The following PABIR2 variants were observed in gnomAD, a reference collection of about 807,000 sequenced individuals.
PABIR2 encodes the protein family with sequence similarity 122B.
PABIR2 carries 7 observed loss-of-function variants against 22.8 expected under a neutral mutation model. The ratio of observed to expected loss-of-function variants is 0.31; its 90% CI spans 0.17 to 0.58. PABIR2 has a LOEUF of 0.58. PABIR2 is among the 20% of genes least tolerant of loss of function. The probability of loss-of-function intolerance (pLI) is 0.89; values close to 1 mark genes in which losing one functional copy is unlikely to be tolerated. For missense variants in PABIR2, 155 were observed against 205.1 expected (o/e 0.76, Z 1.49); for synonymous variants, 67 against 73.8 (o/e 0.91, Z 0.47).
intron 6 of PABIR2, 77 bp downstream of exon 6, chrX:134,788,653 G>T: frequency 1.2e-6 from 1 of 864,821 alleles, no homozygotes; most frequent in Non-Finnish European, 1.6e-6. Context: ...TACTTTAAAA[G>T]TGGGGTGATT....
intron 9 of PABIR2, among the ~76,000 whole-genome samples, chrX:134,775,119 A>G (rs1286767258): frequency 8.9e-6 from 1 of 112,413 alleles, no homozygotes; most frequent in Non-Finnish European, 1.9e-5. Flanking sequence ...AGACAACAGT[A>G]AAAAAGGATC....
rs779390806 is a variant in PABIR2 at position 134,791,120 on chromosome X, A to C, written c.178-1484T>G. On this transcript the variant is annotated intron_variant, in intron 2 of 9. Coordinates refer to ENST00000343004, the MANE Select transcript of PABIR2 (RefSeq NM_001387468.1). ...AATATACAACTTGACAATTTTAGAC[A>C]AAACTGGAAAGAAGACCAGAAAGAA... 2.7e-5 allele frequency among the ~76,000 whole-genome samples: 3 copies of C among 111,498 alleles called. No homozygotes were observed. In the East Asian group the frequency reaches 8.4e-4, roughly 31 times the overall value.
intron 2 of PABIR2, among the ~76,000 whole-genome samples, chrX:134,790,387 G>A (rs2079510741): frequency 8.9e-6 from 1 of 112,003 alleles, no homozygotes; most frequent in South Asian, 3.6e-4. Context: ...TAATATAAAC[G>A]ACTACTATTT....
At chrX:134,780,646 C>T (rs2079132579) in intron 9 of PABIR2, among the ~76,000 whole-genome samples, 1 of 112,217 alleles carries the variant, frequency 8.9e-6, no homozygotes, top group Non-Finnish European at 1.9e-5. Flanking sequence ...AAAAACAGTA[C>T]ACAATTGATT....
rs539600770 is a variant in PABIR2 at position 134,790,626 on chromosome X, G to T, written c.178-990C>A. Reference sequence around the variant, plus strand: ...ATGATCTCTGCTCACTGCAACTTCCGCCTCCCAGGTTCAAGTGATTCCCCT... The same window carrying T: ...ATGATCTCTGCTCACTGCAACTTCCTCCTCCCAGGTTCAAGTGATTCCCCT... On this transcript the variant is annotated intron_variant, in intron 2 of 9. Transcript: ENST00000343004. Among the ~76,000 whole-genome samples the T allele has an allele frequency of 2.7e-4, 30 of 112,001 alleles. No homozygotes were observed. In the South Asian group the frequency reaches 0.01, roughly 39 times the overall value.
At chrX:134,777,123 C>G (rs866869003) in intron 9 of PABIR2, among the ~76,000 whole-genome samples, 1 of 112,204 alleles carries the variant, frequency 8.9e-6, no homozygotes, top group Non-Finnish European at 1.9e-5. Flanking sequence ...GTTTTGTTAT[C>G]AAGTAGGTTG....
At chrX:134,778,044 C>A (rs2147900660) in intron 9 of PABIR2, among the ~76,000 whole-genome samples, 1 of 104,126 alleles carries the variant, frequency 9.6e-6, no homozygotes, top group East Asian at 3.2e-4. Flanking sequence ...CAGGCATGCG[C>A]ACCATGCCCA....
intron 6 of PABIR2, among the ~76,000 whole-genome samples, chrX:134,788,140 A>AATATATACGTTATATATGTGTAAT: frequency 1.0e-5 from 1 of 100,288 alleles, no homozygotes; most frequent in South Asian, 4.3e-4. Flanking sequence ...ATATATGTGT[A>AATATATACGTTATATATGTGTAAT]ATATATACGT....
In PABIR2 at chrX:134,793,903, A is replaced by C; in HGVS notation, c.99-10T>G. On this transcript the variant is annotated splice_polypyrimidine_tract_variant and intron_variant, in intron 1 of 9. Transcript: ENST00000343004. ...AACCTGTGAAAGGTCACTGAAAAAA[A>C]CAAAAACAAACAAACAAAAAAAACA... 11 of 1,194,003 alleles carry C rather than the reference A, an allele frequency of 9.2e-6. No homozygotes were observed. Among genetic ancestry groups the C allele is most frequent in the Non-Finnish European group, 1.2e-5 (11 of 889,726 alleles).
intron 2 of PABIR2, among the ~76,000 whole-genome samples, chrX:134,789,895 G>C (rs372722313): frequency 1.8e-5 from 2 of 111,468 alleles, no homozygotes; most frequent in Non-Finnish European, 1.9e-5. Context: ...GTGAAGCTAC[G>C]TAAATTTAGA....
At chrX:134,778,959 G>T (rs1304755252) in intron 9 of PABIR2, among the ~76,000 whole-genome samples, 1 of 110,606 alleles carries the variant, frequency 9.0e-6, no homozygotes, top group African/African-American at 3.3e-5. Flanking sequence ...GACTACAGGC[G>T]CCCGCCACCA....
chrX:134,789,017 A>G, intron 5 of PABIR2, 68 bp downstream of exon 5: 1 of 1,169,939 alleles, frequency 8.5e-7, no homozygotes, highest in Non-Finnish European at 1.2e-6. Context: ...CGAAAAAATT[A>G]ATGAACCTAG....
chrX:134,787,966 TG>T (rs747606746), intron 6 of PABIR2, among the ~76,000 whole-genome samples: 1 of 108,048 alleles, frequency 9.3e-6, no homozygotes, highest in East Asian at 2.9e-4. Flanking sequence ...CTTTTCAAAA[TG>T]ACAGAAACAA....
intron 2 of PABIR2, chrX:134,791,558 G>A (rs983839708): frequency 5.8e-5 from 18 of 310,871 alleles, no homozygotes; most frequent in Non-Finnish European, 1.1e-4. Context: ...AGCCCGTGAG[G>A]AATAGGGAAA....
intron 2 of PABIR2, among the ~76,000 whole-genome samples, chrX:134,790,663 C>T (rs371999830): frequency 1.6e-4 from 18 of 112,355 alleles, no homozygotes; most frequent in African/African-American, 5.5e-4. Context: ...CCTCAGCCTC[C>T]TGAGTAGCTG....
At chrX:134,780,197 T>C (rs371308487) in intron 9 of PABIR2, among the ~76,000 whole-genome samples, 12 of 113,039 alleles carry the variant, frequency 1.1e-4, no homozygotes, top group African/African-American at 2.6e-4. Flanking sequence ...TCCATTCTTA[T>C]AGCTTATAAG....
intron 9 of PABIR2, among the ~76,000 whole-genome samples, chrX:134,775,306 G>A (rs761224131): frequency 6.4e-5 from 7 of 110,204 alleles, no homozygotes; most frequent in Non-Finnish European, 1.3e-4. Context: ...CGAGGTGGGC[G>A]GATCACGAAG....
chrX:134,789,229 T>C lies in PABIR2; in HGVS notation c.272A>G (p.His91Arg). ...GCTCTTGCAAAGCACTAACCTTTCATGTGCAGTTTCTCTGTTCACCATATC... is the reference window on the plus strand; with the variant it reads ...GCTCTTGCAAAGCACTAACCTTTCACGTGCAGTTTCTCTGTTCACCATATC... ...GLDMVNRETA[H>R]EREMQTAMQI... The change falls in exon 4 of 10, where the codon CAT becomes CGT. Residue 91 changes from histidine to arginine, a missense_variant. Transcript: ENST00000343004. 4 of 1,212,378 alleles carry C rather than the reference T, an allele frequency of 3.3e-6. No homozygotes were observed. Among genetic ancestry groups the C allele is most frequent in the Middle Eastern group, 2.3e-4 (1 of 4,356 alleles).
intron 7 of PABIR2, among the ~76,000 whole-genome samples, chrX:134,786,665 A>C (rs1374206050): frequency 8.9e-6 from 1 of 111,885 alleles, no homozygotes; most frequent in Non-Finnish European, 1.9e-5. Context: ...ATTCCCCCTA[A>C]AAAACTCTGG....
Sources: allele counts gnomAD v4.1 joint callset (sites outside exome capture counted in the v4.1 genomes callset), GRCh38; gene constraint gnomAD v4.1.1; transcripts MANE v1.5; gene names NCBI Gene and HGNC (gene_info 2026-07-23, HGNC 2026-07-21).